IL1RAPL1: variants seen among roughly 807,000 people sequenced by gnomAD.
IL1RAPL1 encodes the protein interleukin-1 receptor accessory protein-like 1.
Under a neutral mutation model 48.4 loss-of-function variants are expected in IL1RAPL1, and 3 were observed. That is an observed-to-expected ratio of 0.06 (90% CI 0.03 to 0.16). The LOEUF (loss-of-function observed/expected upper bound fraction) is 0.16, where lower values mean the gene tolerates loss of function less well. Among genes scored for constraint, IL1RAPL1 ranks in the 10% least tolerant of loss-of-function variants. The pLI is 1.00. For missense variants in IL1RAPL1, 349 were observed against 530.6 expected, an observed-to-expected ratio of 0.66 and a Z score of 3.36; for synonymous variants, 185 against 187.7, an observed-to-expected ratio of 0.99 and a Z score of 0.12.
chrX:28,687,508 C>T (rs1017638535), intron 1 of IL1RAPL1, among the ~76,000 whole-genome samples: 1 of 112,159 alleles, frequency 8.9e-6, no homozygotes, highest in Non-Finnish European at 1.9e-5. Context: ...TGGGGCCGGG[C>T]GCGGTGGCTC....
intron 5 of IL1RAPL1, among the ~76,000 whole-genome samples, chrX:29,596,664 C>A (rs59135158): frequency 0.082 from 9,157 of 111,368 alleles, 379 homozygotes; most frequent in Middle Eastern, 0.16. Context: ...GTATACAATC[C>A]TATCATCAGC....
chrX:29,640,886 C>T lies in IL1RAPL1; in HGVS notation c.704-27544C>T, dbSNP rs768557305. 1.6e-3 allele frequency among the ~76,000 whole-genome samples: 175 copies of T among 112,150 alleles called. 1 individual carries two copies. The highest frequency in any genetic ancestry group is 5.5e-3 in the African/African-American group (169 of 30,894). ...CTTCTGCTTAGAAATCACCAGCGGC[C>T]AGATGCAGTGGCTCACACCTGTAAT... On this transcript the variant is annotated intron_variant, in intron 5 of 10. Coordinates refer to ENST00000378993, the MANE Select transcript of IL1RAPL1 (RefSeq NM_014271.4).
chrX:29,955,331 G>A lies in IL1RAPL1; in HGVS notation c.1602G>A (p.Leu534=), dbSNP rs1242850856. ...CCCTGAAGCACACCATCAAGCTCCT[G>A]ACGGTCATTAAATGGCATGGACCAA... ...VEALKHTIKL[L]TVIKWHGPKC... is the part of the protein sequence containing the mutation. The change falls in exon 11 of 11, where the codon CTG becomes CTA. Residue 534 remains leucine, a synonymous_variant. Transcript: ENST00000378993. The A allele has an allele frequency of 1.6e-5, 19 of 1,209,528 alleles. No individual in the cohort carries two copies. Among genetic ancestry groups the A allele is most frequent in the Non-Finnish European group, 2.0e-5 (18 of 895,133 alleles).
intron 2 of IL1RAPL1, among the ~76,000 whole-genome samples, chrX:29,214,730 C>T (rs1176370791): frequency 9.0e-6 from 1 of 111,519 alleles, no homozygotes; most frequent in Non-Finnish European, 1.9e-5. Flanking sequence ...CATTTATAAA[C>T]TAAACCTTCA....
At position 29,399,373 on chromosome X, in the gene IL1RAPL1, G is replaced by A. The variant is rs186087470; in HGVS notation, c.703+65G>A. 847 of 893,331 alleles carry A rather than the reference G, an allele frequency of 9.5e-4. 10 individuals carry two copies. The African/African-American group carries it at 0.015, about 16-fold the overall frequency. 73.6% of individuals were successfully genotyped at this position (893,331 alleles called of 1,213,427 possible). A position where few individuals can be genotyped will look rare whatever the true frequency, so the allele number is the denominator to read the frequency against. ...ACTACTATTTTAAGTTAGTTTTTATGCTACACATTGATATTTTTACTCTCT... is the reference window on the plus strand; with the variant it reads ...ACTACTATTTTAAGTTAGTTTTTATACTACACATTGATATTTTTACTCTCT... On this transcript the variant is annotated intron_variant, in intron 5 of 10. Coordinates refer to ENST00000378993, the MANE Select transcript of IL1RAPL1 (RefSeq NM_014271.4).
At chrX:29,790,525 TG>T (rs1177947488) in intron 6 of IL1RAPL1, among the ~76,000 whole-genome samples, 2 of 112,424 alleles carry the variant, frequency 1.8e-5, no homozygotes, top group African/African-American at 3.2e-5. Context: ...GTTACACTTC[TG>T]GCTTTATAAA....
intron 9 of IL1RAPL1, among the ~76,000 whole-genome samples, chrX:29,953,493 G>C (rs1365313919): frequency 8.9e-6 from 1 of 111,734 alleles, no homozygotes; most frequent in Non-Finnish European, 1.9e-5. Flanking sequence ...ATGTAAAAAG[G>C]GGGAAGAGTA....
chrX:29,498,476 G>C (rs771729482), intron 5 of IL1RAPL1, among the ~76,000 whole-genome samples: 1 of 107,226 alleles, frequency 9.3e-6, no homozygotes, highest in African/African-American at 3.5e-5. Flanking sequence ...TTCTTTATTT[G>C]ATTCCTTACG....
chrX:28,726,689 A>G (rs149884206), intron 1 of IL1RAPL1, among the ~76,000 whole-genome samples: 2,828 of 112,088 alleles, frequency 0.025, 92 homozygotes, highest in African/African-American at 0.087. Context: ...ATTGACTTAT[A>G]TCATCCTCAT....
chrX:28,785,901 AG>A (rs1936468077), intron 1 of IL1RAPL1, among the ~76,000 whole-genome samples: 2 of 112,333 alleles, frequency 1.8e-5, no homozygotes, highest in South Asian at 3.7e-4. Flanking sequence ...ATGCTCAATA[AG>A]GGTTTATCAA....
chrX:28,773,610 A>G (rs1273128222), intron 1 of IL1RAPL1, among the ~76,000 whole-genome samples: 5 of 111,235 alleles, frequency 4.5e-5, no homozygotes, highest in African/African-American at 1.6e-4. Flanking sequence ...CTTTACCTCT[A>G]TTTAGAGTAG....
At chrX:29,792,454 C>G (rs1000760789) in intron 6 of IL1RAPL1, among the ~76,000 whole-genome samples, 2 of 111,832 alleles carry the variant, frequency 1.8e-5, no homozygotes, top group Admixed American at 9.5e-5. Flanking sequence ...TGACTGCTGT[C>G]CTCATTAGAA....
At chrX:29,197,034 G>T (rs1930457379) in intron 2 of IL1RAPL1, among the ~76,000 whole-genome samples, 1 of 110,307 alleles carries the variant, frequency 9.1e-6, no homozygotes, top group Non-Finnish European at 1.9e-5. Flanking sequence ...ATTCTTAGAG[G>T]TTAGAGCCAC....
At chrX:29,678,373 T>TTTTTTA (rs1926344520) in intron 6 of IL1RAPL1, among the ~76,000 whole-genome samples, 1 of 89,194 alleles carries the variant, frequency 1.1e-5, no homozygotes, top group African/African-American at 4.7e-5. Context: ...TTTTTTTTTT[T>TTTTTTA]GAGAAGGAGT....
chrX:28,913,756 A>G (rs1923418965), intron 2 of IL1RAPL1, among the ~76,000 whole-genome samples: 1 of 111,846 alleles, frequency 8.9e-6, no homozygotes, highest in Non-Finnish European at 1.9e-5. Context: ...GCATAGAAAC[A>G]TGAAGATATT....
At chrX:29,664,232 G>A (rs761773940) in intron 5 of IL1RAPL1, among the ~76,000 whole-genome samples, 4 of 110,471 alleles carry the variant, frequency 3.6e-5, no homozygotes, top group African/African-American at 1.3e-4. Context: ...GTGAAACCCC[G>A]TCTCTACTAA....
At chrX:29,617,189 C>T (rs940503205) in intron 5 of IL1RAPL1, among the ~76,000 whole-genome samples, 1 of 111,888 alleles carries the variant, frequency 8.9e-6, no homozygotes, top group African/African-American at 3.3e-5. Flanking sequence ...GTAAAATTCC[C>T]TATTAGCCTA....
chrX:29,587,915 C>T (rs1211139540), intron 5 of IL1RAPL1, among the ~76,000 whole-genome samples: 1 of 112,139 alleles, frequency 8.9e-6, no homozygotes, highest in African/African-American at 3.2e-5. Flanking sequence ...TTTCTCTATT[C>T]AAACTATTGC....
At chrX:28,625,052 C>G (rs1224817380) in intron 1 of IL1RAPL1, among the ~76,000 whole-genome samples, 1 of 111,855 alleles carries the variant, frequency 8.9e-6, no homozygotes, top group Non-Finnish European at 1.9e-5. Context: ...GGAGCAGAGT[C>G]TCTACAAGGT....
Sources: allele counts gnomAD v4.1 joint callset (sites outside exome capture counted in the v4.1 genomes callset), GRCh38; gene constraint gnomAD v4.1.1; transcripts MANE v1.5; gene names NCBI Gene and HGNC (gene_info 2026-07-23, HGNC 2026-07-21).